PALD1: variants seen among roughly 807,000 people sequenced by gnomAD.
PALD1 encodes phosphatase domain containing paladin 1.
Under a neutral mutation model 96.0 loss-of-function variants are expected in PALD1, and 57 were observed. The ratio of observed to expected loss-of-function variants is 0.59; its 90% CI spans 0.48 to 0.74. The LOEUF (loss-of-function observed/expected upper bound fraction) is 0.74. Ranked by LOEUF, PALD1 falls within the 30% of genes least tolerant of loss-of-function variation. The pLI, the probability that PALD1 is intolerant of heterozygous loss-of-function variation, is 0.00. For missense variants in PALD1, 1,063 were observed against 1,143.7 expected, an observed-to-expected ratio of 0.93 and a Z score of 1.02; for synonymous variants, 464 against 473.6, an observed-to-expected ratio of 0.98 and a Z score of 0.26.
chr10:70,492,833 T>C (rs1358995535), intron 1 of PALD1, among the ~76,000 whole-genome samples: 4 of 152,226 alleles, frequency 2.6e-5, no homozygotes, highest in Non-Finnish European at 4.4e-5. Flanking sequence ...ATCTGTACTT[T>C]AAAGGGTGAA....
In PALD1 at chr10:70,528,143, G is replaced by A. The variant is rs564149133; in HGVS notation, c.186-1086G>A. ...TTTTATGGCTACATAGTATTCCATG[G>A]TGTATATGAAGGCACTTCTTTTGTC... On this transcript the variant is annotated intron_variant, in intron 2 of 19. Transcript: ENST00000263563. Among the ~76,000 whole-genome samples, 11 of 116,272 alleles carry A rather than the reference G, an allele frequency of 9.5e-5. No homozygotes were observed. The South Asian group carries it at 3.2e-3, about 34-fold the overall frequency. 76.3% of individuals were successfully genotyped at this position (116,272 alleles called of 152,430 possible).
the PALD1 span, among the ~76,000 whole-genome samples, chr10:70,462,292 G>A: frequency 6.6e-6 from 1 of 152,266 alleles, no homozygotes; most frequent in Non-Finnish European, 1.5e-5. Flanking sequence ...CCATTCCTGG[G>A]TTCTACTCCC....
intron 12 of PALD1, among the ~76,000 whole-genome samples, 194 bp from the exon 13 acceptor site, chr10:70,538,698 T>C (rs889064741): frequency 2.6e-5 from 4 of 152,248 alleles, no homozygotes; most frequent in Admixed American, 2.0e-4. Context: ...AGCCTCAGCT[T>C]CCTGGTCCAG....
intron 3 of PALD1, 93 bp from the exon 4 acceptor site, chr10:70,529,796 C>A (rs899364452): frequency 8.8e-7 from 1 of 1,133,608 alleles, no homozygotes; most frequent in Admixed American, 2.3e-5. Flanking sequence ...CTATTTCCCC[C>A]CTCCCTGTCC....
intron 2 of PALD1, among the ~76,000 whole-genome samples, chr10:70,526,381 A>AT (rs1175461980): frequency 6.8e-6 from 1 of 147,236 alleles, no homozygotes; most frequent in East Asian, 2.0e-4. Flanking sequence ...GTGTGGGGGA[A>AT]TGCGGAGGAG....
chr10:70,484,160 G>T (rs565225034), intron 1 of PALD1, among the ~76,000 whole-genome samples: 1 of 151,946 alleles, frequency 6.6e-6, no homozygotes, highest in South Asian at 2.1e-4. Context: ...CCACCACTAC[G>T]CCCAGCTAAT....
At chr10:70,459,576 C>G in the PALD1 span, among the ~76,000 whole-genome samples, 4 of 152,168 alleles carry the variant, frequency 2.6e-5, no homozygotes, top group African/African-American at 4.8e-5. Flanking sequence ...CAGATTTGGT[C>G]AAGGGGCCCA....
the PALD1 span, among the ~76,000 whole-genome samples, chr10:70,468,750 G>GTGTGTT: frequency 1.5e-5 from 2 of 137,406 alleles, no homozygotes; most frequent in Admixed American, 7.3e-5. Context: ...GTGTGTGTGT[G>GTGTGTT]TTTTGAGATG....
chr10:70,534,072 G>A lies in PALD1; in HGVS notation c.1021G>A (p.Glu341Lys), dbSNP rs1847055250. Reference sequence around the variant, plus strand: ...CCGCAGTGGGACCACCTCCCAGCCAGAGTGAGTGGCCCGGGGCCCAGCGTC... The same window carrying A: ...CCGCAGTGGGACCACCTCCCAGCCAAAGTGAGTGGCCCGGGGCCCAGCGTC... ...LHRSGTTSQP[E>K]AAPTQAKPLP... Residue 341 changes from glutamate (E) to lysine (K), a missense_variant and splice_region_variant, in exon 8 of 20, where the codon GAG becomes AAG. Physicochemically the swap from Glu to Lys is moderately conservative, Grantham distance 56. Coordinates refer to ENST00000263563, the MANE Select transcript of PALD1 (RefSeq NM_014431.3). 1 of 1,597,316 alleles carries A rather than the reference G, an allele frequency of 6.3e-7. No homozygotes were observed. Among genetic ancestry groups the A allele is most frequent in the African/African-American group, 1.3e-5 (1 of 74,494 alleles).
upstream of PALD1, among the ~76,000 whole-genome samples, chr10:70,475,501 T>G (rs1845812083): frequency 6.6e-6 from 1 of 152,162 alleles, no homozygotes; most frequent in Non-Finnish European, 1.5e-5. Flanking sequence ...GGCCAGCCCA[T>G]GTCCTGATGT....
In PALD1 at chr10:70,532,731, T is replaced by A. The variant is rs1847020145; in HGVS notation, c.744T>A (p.His248Gln). The A allele has an allele frequency of 6.2e-7, 1 of 1,614,050 alleles. No homozygotes were observed. Among genetic ancestry groups the A allele is most frequent in the Non-Finnish European group, 8.5e-7 (1 of 1,180,020 alleles). ...AVAIHGEDDL[H>Q]VTEEVYKRPL... is the part of the protein sequence containing the mutation. ...CCATCCATGGTGAGGACGACTTGCA[T>A]GTGACGGAGGAGGTGTACAAGCGGC... Residue 248 changes from histidine (H) to glutamine (Q), a missense_variant, in exon 6 of 20, where the codon CAT becomes CAA. Coordinates refer to ENST00000263563, the MANE Select transcript of PALD1 (RefSeq NM_014431.3).
chr10:70,558,120 T>A (rs1050565825), intron 18 of PALD1, among the ~76,000 whole-genome samples: 2 of 151,690 alleles, frequency 1.3e-5, no homozygotes, highest in Non-Finnish European at 2.9e-5. Context: ...TTTTTGTTGT[T>A]GTTTTGGTAG....
rs146069324 is a variant in PALD1 at position 70,507,624 on chromosome 10, G to A, written c.-29-18299G>A. Among the ~76,000 whole-genome samples, 992 of 152,212 alleles carry A rather than the reference G, an allele frequency of 6.5e-3. 10 individuals carry two copies. Among genetic ancestry groups the A allele is most frequent in the African/African-American group, 0.022 (934 of 41,532 alleles). ...TTTAGTAGAGATGGGGTTTCGCCAC[G>A]TTGCCCAGGCTGGTCTCGAACTTGT... On this transcript the variant is annotated intron_variant, in intron 1 of 19. Coordinates refer to ENST00000263563, the MANE Select transcript of PALD1 (RefSeq NM_014431.3).
intron 1 of PALD1, among the ~76,000 whole-genome samples, chr10:70,479,292 G>A (rs1192767190): frequency 2.0e-5 from 3 of 152,186 alleles, no homozygotes; most frequent in Non-Finnish European, 4.4e-5. Context: ...CCCCTCTCCC[G>A]AGTTCCCTGG....
At chr10:70,488,476 A>G (rs1846047408) in intron 1 of PALD1, among the ~76,000 whole-genome samples, 1 of 152,164 alleles carries the variant, frequency 6.6e-6, no homozygotes, top group Non-Finnish European at 1.5e-5. Context: ...TAAAATGTCA[A>G]AGTCCCCTTT....
At chr10:70,549,021 C>T (rs1339647129) in intron 18 of PALD1, among the ~76,000 whole-genome samples, 1 of 96,330 alleles carries the variant, frequency 1.0e-5, no homozygotes, top group Non-Finnish European at 1.9e-5. Context: ...CCTCCCTGGG[C>T]AACATAGCAA....
intron 16 of PALD1, 49 bp from the exon 17 acceptor site, chr10:70,541,414 C>A: frequency 1.3e-6 from 2 of 1,579,490 alleles, no homozygotes; most frequent in South Asian, 1.1e-5. Flanking sequence ...CAGCAAGGGG[C>A]TCCTGGCGTT....
intron 11 of PALD1, 27 bp from the exon 12 acceptor site, chr10:70,538,253 T>C (rs1460466602): frequency 6.3e-7 from 1 of 1,598,912 alleles, no homozygotes. Flanking sequence ...GCCCCTGAAT[T>C]CCTCGTCTCT....
At chr10:70,538,164 C>A in intron 11 of PALD1, 116 bp from the exon 12 acceptor site, 1 of 1,145,748 alleles carries the variant, frequency 8.7e-7, no homozygotes, top group Non-Finnish European at 1.3e-6. Flanking sequence ...CTCCCTTGTC[C>A]CTGCTCTGGG....
Sources: allele counts gnomAD v4.1 joint callset (sites outside exome capture counted in the v4.1 genomes callset), GRCh38; gene constraint gnomAD v4.1.1; transcripts MANE v1.5; gene names NCBI Gene and HGNC (gene_info 2026-07-23, HGNC 2026-07-21).